The following IPO11 variants were observed in gnomAD, a reference collection of about 807,000 sequenced individuals.
IPO11 encodes the protein importin 11.
A neutral mutation model predicts 143.2 loss-of-function variants in IPO11; 66 were observed. The ratio of observed to expected loss-of-function variants is 0.46; its 90% CI spans 0.38 to 0.57. The LOEUF (loss-of-function observed/expected upper bound fraction) is 0.57. Among genes scored for constraint, IPO11 ranks in the 20% least tolerant of loss-of-function variants. IPO11 has a pLI of 0.00. For synonymous variants in IPO11, 385 were observed against 377.8 expected, an observed-to-expected ratio of 1.02 and a Z score of -0.22; for missense variants, 1,026 against 1,141.0, an observed-to-expected ratio of 0.90 and a Z score of 1.45.
At chr5:62,462,438 G>A (rs938795195) in intron 5 of IPO11, among the ~76,000 whole-genome samples, 2 of 151,620 alleles carry the variant, frequency 1.3e-5, no homozygotes, top group African/African-American at 4.9e-5. Context: ...GTGTATGCAA[G>A]TGGTAGAATT....
rs188360228 is a variant in IPO11 at position 62,605,606 on chromosome 5, G to T, written c.2763+3758G>T. On this transcript the variant is annotated intron_variant, in intron 29 of 29. Transcript: ENST00000325324. ...AATTTATTAACATCTTTAGTTTTTT[G>T]TAATTTTTTGAAATCTGACTCATAG... Among the ~76,000 whole-genome samples, 668 of 151,508 alleles carry T rather than the reference G, an allele frequency of 4.4e-3. 7 individuals carry two copies. Among genetic ancestry groups the T allele is most frequent in the African/African-American group, 0.016 (644 of 41,280 alleles).
intron 27 of IPO11, among the ~76,000 whole-genome samples, chr5:62,573,223 T>TA (rs1293021353): frequency 6.6e-6 from 1 of 152,202 alleles, no homozygotes; most frequent in Non-Finnish European, 1.5e-5. Flanking sequence ...CTCATTTTTT[T>TA]ATCCATTGTA....
intron 28 of IPO11, among the ~76,000 whole-genome samples, chr5:62,597,761 C>G (rs1244298133): frequency 6.6e-6 from 1 of 152,176 alleles, no homozygotes; most frequent in Non-Finnish European, 1.5e-5. Flanking sequence ...TTGTCATGCC[C>G]TGAGCCCAGA....
intron 2 of IPO11, among the ~76,000 whole-genome samples, chr5:62,441,232 T>A (rs1018543437): frequency 6.6e-6 from 1 of 152,152 alleles, no homozygotes; most frequent in Non-Finnish European, 1.5e-5. Context: ...AGTTTCACTC[T>A]TGTTGCCCAG....
chr5:62,438,224 A>G (rs1744309775), intron 2 of IPO11, among the ~76,000 whole-genome samples: 1 of 152,338 alleles, frequency 6.6e-6, no homozygotes, highest in Admixed American at 6.5e-5. Context: ...GTTGGCTAAA[A>G]AAGTTTGAGT....
At chr5:62,500,266 G>A (rs1741304231) in intron 16 of IPO11, among the ~76,000 whole-genome samples, 1 of 152,184 alleles carries the variant, frequency 6.6e-6, no homozygotes, top group East Asian at 1.9e-4. Flanking sequence ...CTGGGTGACA[G>A]AGTGAGACTC....
intron 18 of IPO11, among the ~76,000 whole-genome samples, chr5:62,505,337 C>T (rs1741516844): frequency 6.6e-6 from 1 of 152,074 alleles, no homozygotes; most frequent in Non-Finnish European, 1.5e-5. Flanking sequence ...TTACTCTTTA[C>T]TCAACCCCCA....
At chr5:62,545,901 C>T (rs572579615) in intron 24 of IPO11, among the ~76,000 whole-genome samples, 158 of 152,270 alleles carry the variant, frequency 1.0e-3, no homozygotes, top group African/African-American at 3.6e-3. Flanking sequence ...CAATGAGATA[C>T]CATCTCACAC....
chr5:62,545,880 A>G (rs1018219422), intron 24 of IPO11, among the ~76,000 whole-genome samples: 1 of 152,262 alleles, frequency 6.6e-6, no homozygotes, highest in African/African-American at 2.4e-5. Context: ...GAGAAATGCA[A>G]ATTAAAACCA....
intron 20 of IPO11, among the ~76,000 whole-genome samples, chr5:62,517,634 C>T (rs767341445): frequency 3.0e-4 from 45 of 152,144 alleles, no homozygotes; most frequent in Non-Finnish European, 2.9e-5. Context: ...AACTGCCGAC[C>T]TCAGGTGATT....
intron 26 of IPO11, among the ~76,000 whole-genome samples, chr5:62,559,251 A>G (rs1743683567): frequency 6.6e-6 from 1 of 151,434 alleles, no homozygotes; most frequent in Non-Finnish European, 1.5e-5. Context: ...TCCAGTTGTG[A>G]CAGAAATTCT....
intron 27 of IPO11, among the ~76,000 whole-genome samples, chr5:62,588,233 T>G (rs1373577920): frequency 1.3e-5 from 2 of 152,094 alleles, no homozygotes; most frequent in African/African-American, 4.8e-5. Context: ...CTAAACTTTT[T>G]TTTTTTTTTA....
At chr5:62,513,522 C>T (rs1436745823) in intron 19 of IPO11, among the ~76,000 whole-genome samples, 2 of 137,320 alleles carry the variant, frequency 1.5e-5, no homozygotes, top group African/African-American at 5.4e-5. Context: ...CCGGACGGGG[C>T]GGCTGGCCGG....
chr5:62,468,901 G>C (rs1745660345), intron 6 of IPO11, among the ~76,000 whole-genome samples: 1 of 152,172 alleles, frequency 6.6e-6, no homozygotes, highest in Non-Finnish European at 1.5e-5. Context: ...ATCTCTATCT[G>C]AATTTACACT....
At chr5:62,485,115 T>C (rs961025391) in intron 11 of IPO11, among the ~76,000 whole-genome samples, 1 of 152,158 alleles carries the variant, frequency 6.6e-6, no homozygotes, top group African/African-American at 2.4e-5. Flanking sequence ...TCTAGTGATA[T>C]TGGATCAGGT....
intron 11 of IPO11, 122 bp downstream of exon 11, chr5:62,484,284 T>TA: frequency 1.3e-6 from 1 of 755,216 alleles, no homozygotes; most frequent in Non-Finnish European, 2.0e-6. Context: ...CTTGGTGTTT[T>TA]AAAATTAACT....
At chr5:62,620,125 T>C (rs1316930917) in intron 29 of IPO11, among the ~76,000 whole-genome samples, 4 of 152,168 alleles carry the variant, frequency 2.6e-5, no homozygotes, top group African/African-American at 9.7e-5. Flanking sequence ...TGGCCTGTGA[T>C]ATAGGCCTCA....
chr5:62,493,868 T>G, intron 15 of IPO11, 130 bp from the exon 16 acceptor site: 5 of 860,142 alleles, frequency 5.8e-6, no homozygotes, highest in Non-Finnish European at 6.7e-6. Context: ...CACACCTGCT[T>G]TTAAGCTTTT....
intron 27 of IPO11, among the ~76,000 whole-genome samples, chr5:62,567,823 A>G (rs1321156512): frequency 6.6e-6 from 1 of 150,742 alleles, no homozygotes; most frequent in African/African-American, 2.4e-5. Flanking sequence ...CAGCCTCCCA[A>G]AGTGCTGGGA....
Sources: gnomAD v4.1 joint callset for allele counts (sites outside exome capture counted in the v4.1 genomes callset) on GRCh38, gnomAD v4.1.1 for gene constraint, MANE v1.5 for transcripts, NCBI Gene and HGNC (gene_info 2026-07-23, HGNC 2026-07-21) for gene names.